Variants in PYGL observed in about 807,000 individuals in gnomAD.
PYGL encodes the protein glycogen phosphorylase L, also known as glycogen phosphorylase, liver form.
A neutral mutation model predicts 100.1 loss-of-function variants in PYGL; 90 were observed. The ratio of observed to expected loss-of-function variants is 0.90; its 90% CI spans 0.76 to 1.07. The LOEUF is 1.07. PYGL is among the 50% of genes least tolerant of loss of function. PYGL has a pLI of 0.00. For missense variants in PYGL, 1,016 were observed against 1,057.6 expected, an observed-to-expected ratio of 0.96 and a Z score of 0.55; for synonymous variants, 373 against 393.0, an observed-to-expected ratio of 0.95 and a Z score of 0.60.
At chr14:50,912,861 G>T in intron 13 of PYGL, 168 bp downstream of exon 13, 2 of 617,028 alleles carry the variant, frequency 3.2e-6, no homozygotes, top group Non-Finnish European at 2.8e-6. Flanking sequence ...GGCTGAGGCG[G>T]GATAATCGCT....
At chr14:50,908,390 G>T in intron 18 of PYGL, 53 bp from the exon 19 acceptor site, 1 of 1,406,262 alleles carries the variant, frequency 7.1e-7, no homozygotes, top group Non-Finnish European at 1.0e-6. Context: ...TTCATTAATA[G>T]ATATATGCTA....
At chr14:50,907,626 C>CAT (rs1380021715) in intron 19 of PYGL, among the ~76,000 whole-genome samples, 7 of 152,174 alleles carry the variant, frequency 4.6e-5, no homozygotes, top group Non-Finnish European at 8.8e-5. Context: ...CAGTGCCCGG[C>CAT]ATAAAAAAGA....
chr14:50,914,640 A>G (rs1323974451), intron 12 of PYGL, 61 bp downstream of exon 12: 9 of 1,368,584 alleles, frequency 6.6e-6, no homozygotes, highest in African/African-American at 1.4e-5. Flanking sequence ...AGTTACAAGT[A>G]TAGTCATATG....
chr14:50,935,167 C>A lies in PYGL; in HGVS notation c.364G>T (p.Glu122Ter). ...AIYQLGLDIE[E>*]LEEIEEDAGL... ...GCATCTTCTTCAATTTCTTCTAACT[C>A]TTCTATATCCAATCCAAGCTGGTAA... Residue 122 changes from glutamate (E) to a stop codon, truncating the protein, a stop_gained, in exon 3 of 20, where the codon GAG (glutamate) becomes TAG (stop). Transcript: ENST00000216392. LOFTEE classifies it high-confidence loss of function. The A allele has an allele frequency of 6.2e-7, 1 of 1,612,214 alleles. No individual in the cohort carries two copies. The highest frequency in any genetic ancestry group is 8.5e-7 in the Non-Finnish European group (1 of 1,178,292).
At chr14:50,938,524 TA>T (rs2050676017) in intron 1 of PYGL, among the ~76,000 whole-genome samples, 1 of 152,240 alleles carries the variant, frequency 6.6e-6, no homozygotes, top group African/African-American at 2.4e-5. Flanking sequence ...TTTACTTTCT[TA>T]ATAAACTTGC....
chr14:50,913,027 A>G lies in PYGL; in HGVS notation c.1620+2T>C. 6.2e-7 allele frequency: 1 copy of G among 1,613,756 alleles called. No homozygotes were observed. Among genetic ancestry groups the G allele is most frequent in the Non-Finnish European group, 8.5e-7 (1 of 1,179,748 alleles). On this transcript the variant is annotated splice_donor_variant, in intron 13 of 19. Transcript: ENST00000216392. LOFTEE classifies it high-confidence loss of function. ...GAGGGGACCCACACCTGGAAGGCTCACCTGCTTCACCTTGGCGAGTTCCCG... is the reference window on the plus strand; with the variant it reads ...GAGGGGACCCACACCTGGAAGGCTCGCCTGCTTCACCTTGGCGAGTTCCCG...
chr14:50,911,423 C>T (rs1187390983), intron 16 of PYGL, among the ~76,000 whole-genome samples: 2 of 152,202 alleles, frequency 1.3e-5, no homozygotes, highest in Non-Finnish European at 2.9e-5. Flanking sequence ...AAGACCTTTC[C>T]TCTGTTTTAT....
chr14:50,916,022 T>C, intron 9 of PYGL, 51 bp from the exon 10 acceptor site: 1 of 1,610,772 alleles, frequency 6.2e-7, no homozygotes, highest in Non-Finnish European at 8.5e-7. Context: ...GGCACCCCAC[T>C]GCACGGGCCA....
chr14:50,941,896 G>A (rs953490452), intron 1 of PYGL, among the ~76,000 whole-genome samples: 1 of 152,012 alleles, frequency 6.6e-6, no homozygotes, highest in African/African-American at 2.4e-5. Flanking sequence ...ACAAAACACG[G>A]GAAGATGGGG....
At chr14:50,940,390 CT>C (rs1302655660) in intron 1 of PYGL, among the ~76,000 whole-genome samples, 1 of 152,134 alleles carries the variant, frequency 6.6e-6, no homozygotes, top group Non-Finnish European at 1.5e-5. Flanking sequence ...AATTTGCCTC[CT>C]TTTTAATGAT....
chr14:50,938,728 C>G (rs563276460), intron 1 of PYGL, among the ~76,000 whole-genome samples: 3 of 152,034 alleles, frequency 2.0e-5, no homozygotes, highest in Non-Finnish European at 4.4e-5. Context: ...TTTTTACCCC[C>G]GGGGAGAAAA....
intron 1 of PYGL, among the ~76,000 whole-genome samples, chr14:50,942,363 A>C (rs1348422139): frequency 7.1e-6 from 1 of 140,048 alleles, no homozygotes; most frequent in Non-Finnish European, 1.6e-5. Context: ...AAAAACATAC[A>C]AGATTCTCTG....
rs777335586 is a variant in PYGL at position 50,937,819 on chromosome 14, G to T, written c.262C>A (p.Leu88Met). ...AATGTTCGGCCCATGTAAAATTCCA[G>T]AGAGAGGTAATATACCCTCTGAAAT... ...KCPKRVYYLS[L>M]EFYMGRTLQN... The change falls in exon 2 of 20, where the codon CTG becomes ATG. Residue 88 changes from leucine to methionine, a missense_variant. Leu to Met is a conservative substitution (Grantham distance 15, BLOSUM62 2). Coordinates refer to ENST00000216392, the MANE Select transcript of PYGL (RefSeq NM_002863.5). 4.3e-6 allele frequency: 7 copies of T among 1,613,232 alleles called. No individual in the cohort carries two copies. The Admixed American group carries it at 1.2e-4, about 27-fold the overall frequency.
intron 4 of PYGL, among the ~76,000 whole-genome samples, chr14:50,928,886 T>C (rs1295810755): frequency 6.6e-6 from 1 of 152,198 alleles, no homozygotes; most frequent in East Asian, 1.9e-4. Flanking sequence ...TTTTTTATGG[T>C]ATGATATATT....
At chr14:50,934,975 T>C (rs547191084) in intron 3 of PYGL, 132 bp downstream of exon 3, 2 of 812,156 alleles carry the variant, frequency 2.5e-6, no homozygotes, top group East Asian at 2.6e-5. Context: ...CAAGAACAAA[T>C]ACATCTACAA....
intron 1 of PYGL, among the ~76,000 whole-genome samples, chr14:50,943,897 C>T (rs1312237068): frequency 6.6e-6 from 1 of 152,198 alleles, no homozygotes; most frequent in Admixed American, 6.5e-5. Flanking sequence ...GCCCACCTGG[C>T]GGTTTCCAGG....
chr14:50,938,716 AT>A (rs2139198932), intron 1 of PYGL, among the ~76,000 whole-genome samples: 2 of 152,234 alleles, frequency 1.3e-5, no homozygotes, highest in East Asian at 3.9e-4. Context: ...GTAATTCAGT[AT>A]TTTTTACCCC....
At chr14:50,928,491 C>G (rs758403001) in intron 4 of PYGL, among the ~76,000 whole-genome samples, 1 of 152,114 alleles carries the variant, frequency 6.6e-6, no homozygotes, top group Non-Finnish European at 1.5e-5. Flanking sequence ...AGTGCCTTTC[C>G]ACCCAGGGCT....
intron 3 of PYGL, 148 bp from the exon 4 acceptor site, chr14:50,931,924 G>T: frequency 1.6e-6 from 1 of 620,596 alleles, no homozygotes; most frequent in Non-Finnish European, 2.9e-6. Flanking sequence ...CTGCACAATG[G>T]GTATTGATTT....
Sources: gnomAD v4.1 joint callset for allele counts (sites outside exome capture counted in the v4.1 genomes callset) on GRCh38, gnomAD v4.1.1 for gene constraint, MANE v1.5 for transcripts, NCBI Gene and HGNC (gene_info 2026-07-23, HGNC 2026-07-21) for gene names.